Variants in SETBP1 observed in about 807,000 individuals in gnomAD.
The protein encoded by SETBP1 is SET-binding protein.
SETBP1 carries 9 observed loss-of-function variants against 101.0 expected under a neutral mutation model. The ratio of observed to expected loss-of-function variants is 0.09; its 90% CI spans 0.05 to 0.16. SETBP1 has a LOEUF of 0.16. SETBP1 is among the 10% of genes least tolerant of loss of function. SETBP1 has a pLI of 1.00. For missense variants in SETBP1, 1,858 were observed against 2,033.8 expected (o/e 0.91, Z 1.66); for synonymous variants, 818 against 788.5 (o/e 1.04, Z -0.63).
intron 3 of SETBP1, among the ~76,000 whole-genome samples, chr18:44,884,677 C>T (rs892665778): frequency 3.3e-5 from 5 of 152,128 alleles, no homozygotes; most frequent in African/African-American, 1.2e-4. Flanking sequence ...TTGATGATTG[C>T]CAAGAGATGA....
chr18:44,900,631 G>T (rs1018291920), intron 3 of SETBP1, among the ~76,000 whole-genome samples: 8 of 152,182 alleles, frequency 5.3e-5, no homozygotes, highest in African/African-American at 1.7e-4. Flanking sequence ...AGTTTGCAAA[G>T]TGTGCCCCCC....
Position 44,966,178 on chromosome 18 carries a change from C to T in SETBP1, c.4000+12838C>T, listed in dbSNP as rs575456762. 2.0e-5 allele frequency among the ~76,000 whole-genome samples: 3 copies of T among 152,280 alleles called. No homozygotes were observed. In the South Asian group the frequency reaches 6.2e-4, roughly 32 times the overall value. Reference sequence around the variant, plus strand: ...GATGTCAGATGCAGAAATAGCAATTCCTATTGCATTAAGTCTAAAACTATC... The same window carrying T: ...GATGTCAGATGCAGAAATAGCAATTTCTATTGCATTAAGTCTAAAACTATC... On this transcript the variant is annotated intron_variant, in intron 4 of 5. Coordinates refer to ENST00000649279, the MANE Select transcript of SETBP1 (RefSeq NM_015559.3).
intron 2 of SETBP1, among the ~76,000 whole-genome samples, chr18:44,825,617 T>C (rs930263000): frequency 6.6e-6 from 1 of 152,240 alleles, no homozygotes; most frequent in African/African-American, 2.4e-5. Flanking sequence ...ATGTGGTTTA[T>C]CAACATTGGG....
chr18:44,868,023 C>T (rs1024683663), intron 2 of SETBP1, among the ~76,000 whole-genome samples: 1 of 152,150 alleles, frequency 6.6e-6, no homozygotes, highest in African/African-American at 2.4e-5. Context: ...TAAGCATCTG[C>T]CTTTTCCTCT....
chr18:44,993,799 A>G lies in SETBP1; in HGVS notation c.4000+40459A>G, dbSNP rs749811128. Among the ~76,000 whole-genome samples, 57 of 152,068 alleles carry G rather than the reference A, an allele frequency of 3.7e-4. 1 individual carries two copies. Among genetic ancestry groups the G allele is most frequent in the Non-Finnish European group, 5.4e-4 (37 of 67,924 alleles). On this transcript the variant is annotated intron_variant, in intron 4 of 5. Transcript: ENST00000649279. Reference sequence around the variant, plus strand: ...AAAAGCCTACATGAAAGTTATAGGAATAACTAAGATCTCTTAAAGAAGAAG... The same window carrying G: ...AAAAGCCTACATGAAAGTTATAGGAGTAACTAAGATCTCTTAAAGAAGAAG...
intron 2 of SETBP1, among the ~76,000 whole-genome samples, chr18:44,813,938 T>C (rs553749344): frequency 3.3e-5 from 5 of 152,292 alleles, no homozygotes; most frequent in Admixed American, 2.6e-4. Flanking sequence ...GTCTGCCAGG[T>C]TGAATCTGCA....
chr18:45,025,797 C>A (rs1213428775), intron 4 of SETBP1, among the ~76,000 whole-genome samples: 1 of 152,168 alleles, frequency 6.6e-6, no homozygotes, highest in Non-Finnish European at 1.5e-5. Context: ...TATTCCATAA[C>A]CTTATTTACA....
chr18:44,996,779 C>G (rs1184104860), intron 4 of SETBP1, among the ~76,000 whole-genome samples: 1 of 152,124 alleles, frequency 6.6e-6, no homozygotes, highest in Non-Finnish European at 1.5e-5. Context: ...TACTCCTATA[C>G]TCTTCTTTTC....
At chr18:45,038,764 C>A in intron 5 of SETBP1, 109 bp downstream of exon 5, 1 of 1,133,396 alleles carries the variant, frequency 8.8e-7, no homozygotes, top group East Asian at 2.5e-5. Context: ...TTTTGCCATC[C>A]TCCCCTAGAC....
chr18:45,001,523 T>G (rs1263511013), intron 4 of SETBP1, among the ~76,000 whole-genome samples: 1 of 152,168 alleles, frequency 6.6e-6, no homozygotes, highest in Non-Finnish European at 1.5e-5. Context: ...GGGGAGCTGT[T>G]CATCTCTGCC....
chr18:44,716,819 T>C (rs2069476650), intron 2 of SETBP1, among the ~76,000 whole-genome samples: 1 of 152,140 alleles, frequency 6.6e-6, no homozygotes, highest in Non-Finnish European at 1.5e-5. Context: ...CACCTTGGCC[T>C]CCGAAAGTGC....
At chr18:45,027,384 C>T (rs2073188495) in intron 4 of SETBP1, among the ~76,000 whole-genome samples, 1 of 152,118 alleles carries the variant, frequency 6.6e-6, no homozygotes, top group African/African-American at 2.4e-5. Context: ...GTTCATCTAA[C>T]TATCATGGGG....
chr18:44,923,263 G>A (rs2070622320), intron 3 of SETBP1, among the ~76,000 whole-genome samples: 2 of 152,218 alleles, frequency 1.3e-5, no homozygotes, highest in African/African-American at 4.8e-5. Flanking sequence ...AAAGGTGTGA[G>A]TTTCATTCAG....
intron 2 of SETBP1, among the ~76,000 whole-genome samples, chr18:44,735,119 AT>A (rs2069935090): frequency 6.6e-6 from 1 of 152,220 alleles, no homozygotes; most frequent in African/African-American, 2.4e-5. Context: ...ATATTCATTA[AT>A]CCCAAGAAAG....
chr18:44,776,064 C>T (rs1022677513), intron 2 of SETBP1, among the ~76,000 whole-genome samples: 3 of 152,132 alleles, frequency 2.0e-5, no homozygotes, highest in African/African-American at 7.2e-5. Context: ...CTATGAAGTC[C>T]GGAGGTGTGG....
At chr18:44,769,291 C>T (rs1790404643) in intron 2 of SETBP1, among the ~76,000 whole-genome samples, 1 of 152,200 alleles carries the variant, frequency 6.6e-6, no homozygotes, top group African/African-American at 2.4e-5. Flanking sequence ...CCTCGGGAAG[C>T]TTTGGACTTA....
chr18:44,991,244 C>CAAAAAAAAA (rs55811938), intron 4 of SETBP1, among the ~76,000 whole-genome samples: 5 of 68,208 alleles, frequency 7.3e-5, no homozygotes, highest in East Asian at 3.2e-4. Flanking sequence ...CTGCATCTCA[C>CAAAAAAAAA]AAAAAAAAAA....
chr18:44,781,163 TG>T (rs1161998396), intron 2 of SETBP1, among the ~76,000 whole-genome samples: 1 of 152,162 alleles, frequency 6.6e-6, no homozygotes, highest in Non-Finnish European at 1.5e-5. Context: ...TGAGGAACTC[TG>T]GAATTTTTCC....
intron 3 of SETBP1, among the ~76,000 whole-genome samples, chr18:44,948,617 T>C (rs1256703130): frequency 6.6e-6 from 1 of 152,228 alleles, no homozygotes; most frequent in Non-Finnish European, 1.5e-5. Context: ...AATTTACTAA[T>C]ATTTTCTCTG....
Sources: gnomAD v4.1 joint callset for allele counts (sites outside exome capture counted in the v4.1 genomes callset) on GRCh38, gnomAD v4.1.1 for gene constraint, MANE v1.5 for transcripts, NCBI Gene and HGNC (gene_info 2026-07-23, HGNC 2026-07-21) for gene names.